The following SNX24 variants were observed in gnomAD, a reference collection of about 807,000 sequenced individuals.
The protein encoded by SNX24 is sorting nexin-24.
A neutral mutation model predicts 28.7 loss-of-function variants in SNX24; 22 were observed. The observed-to-expected ratio is 0.77, with a 90% CI of 0.55 to 1.10. The LOEUF (loss-of-function observed/expected upper bound fraction) is 1.10. Ranked by LOEUF, SNX24 falls within the 50% of genes least tolerant of loss-of-function variation. The pLI, the probability that SNX24 is intolerant of heterozygous loss-of-function variation, is 0.00. For missense variants in SNX24, 221 were observed against 201.1 expected, an observed-to-expected ratio of 1.10 and a Z score of -0.60; for synonymous variants, 69 against 71.5, an observed-to-expected ratio of 0.96 and a Z score of 0.18.
At chr5:122,878,766 G>A (rs983875646) in intron 1 of SNX24, among the ~76,000 whole-genome samples, 1 of 152,082 alleles carries the variant, frequency 6.6e-6, no homozygotes, top group South Asian at 2.1e-4. Context: ...GAGGCCAGCA[G>A]TTTGAGACCA....
chr5:122,901,547 A>G (rs530191101), intron 1 of SNX24, among the ~76,000 whole-genome samples: 3 of 152,248 alleles, frequency 2.0e-5, no homozygotes, highest in East Asian at 3.9e-4. Context: ...TGGGCATCTC[A>G]TTTATTGCCT....
intron 1 of SNX24, among the ~76,000 whole-genome samples, chr5:122,871,592 A>AC (rs1395898507): frequency 2.0e-5 from 3 of 151,758 alleles, no homozygotes; most frequent in South Asian, 2.1e-4. Context: ...ACATGGTGAA[A>AC]CCCCCGTCTC....
At chr5:122,952,036 A>G (rs1028849531) in intron 3 of SNX24, among the ~76,000 whole-genome samples, 1 of 152,258 alleles carries the variant, frequency 6.6e-6, no homozygotes, top group Non-Finnish European at 1.5e-5. Flanking sequence ...TGTTTCATGC[A>G]CAAAATTATT....
intron 1 of SNX24, among the ~76,000 whole-genome samples, chr5:122,861,266 G>A (rs769400844): frequency 6.6e-6 from 1 of 152,168 alleles, no homozygotes; most frequent in Non-Finnish European, 1.5e-5. Flanking sequence ...CTTGAACCTA[G>A]GAGGTGGAGT....
chr5:122,849,717 C>G (rs1026008292), intron 1 of SNX24, among the ~76,000 whole-genome samples: 2 of 152,062 alleles, frequency 1.3e-5, no homozygotes, highest in African/African-American at 4.8e-5. Flanking sequence ...CATTCCCTAC[C>G]CAATGGCTTA....
intron 1 of SNX24, among the ~76,000 whole-genome samples, chr5:122,904,777 A>G (rs1238077023): frequency 1.3e-5 from 2 of 152,214 alleles, no homozygotes; most frequent in Non-Finnish European, 2.9e-5. Context: ...TTTCACATTG[A>G]TAATAAATCT....
At chr5:122,943,311 G>A (rs183452527) in intron 2 of SNX24, among the ~76,000 whole-genome samples, 8 of 152,142 alleles carry the variant, frequency 5.3e-5, no homozygotes, top group Non-Finnish European at 7.4e-5. Flanking sequence ...TGCTCATCCC[G>A]TTGTACTCCT....
At chr5:122,917,506 G>A (rs926646841) in intron 1 of SNX24, among the ~76,000 whole-genome samples, 1 of 151,512 alleles carries the variant, frequency 6.6e-6, no homozygotes. Flanking sequence ...TCTGTTCCTC[G>A]CTTCTCTCCT....
At position 122,935,475 on chromosome 5, in the gene SNX24, A is replaced by C. The variant is rs562028297; in HGVS notation, c.61-1259A>C. 2.0e-5 allele frequency among the ~76,000 whole-genome samples: 3 copies of C among 152,318 alleles called. No homozygotes were observed. The East Asian group carries it at 5.8e-4, about 29-fold the overall frequency. On this transcript the variant is annotated intron_variant, in intron 1 of 6. Transcript: ENST00000261369. ...GTTCACCAAAGGAAAGTATTTATTC[A>C]GGGGTATTTCTTGAAAAACAAAATA...
chr5:122,979,056 CTT>C (rs761329890), intron 3 of SNX24, among the ~76,000 whole-genome samples: 55 of 132,088 alleles, frequency 4.2e-4, no homozygotes, highest in Non-Finnish European at 7.0e-4. Context: ...CTAAAACAGT[CTT>C]TTCTGAAAGA....
At chr5:123,001,664 C>A (rs1762251373) in intron 5 of SNX24, among the ~76,000 whole-genome samples, 1 of 152,172 alleles carries the variant, frequency 6.6e-6, no homozygotes, top group Non-Finnish European at 1.5e-5. Flanking sequence ...GTTTTATCAA[C>A]AATCGTATTA....
intron 5 of SNX24, among the ~76,000 whole-genome samples, chr5:123,021,002 C>A (rs1335182060): frequency 4.3e-5 from 6 of 139,392 alleles, no homozygotes; most frequent in Admixed American, 4.2e-4. Flanking sequence ...CCTCTTGCAC[C>A]TCCCCTGCTC....
At chr5:122,981,669 TTTTGTTTG>T (rs71623279) in intron 3 of SNX24, among the ~76,000 whole-genome samples, 6 of 151,932 alleles carry the variant, frequency 3.9e-5, no homozygotes, top group East Asian at 1.9e-4. Context: ...TTTGTTTTGT[TTTTGTTTG>T]TTTGTTTGTT....
At chr5:122,974,318 G>C (rs899174928) in intron 3 of SNX24, among the ~76,000 whole-genome samples, 1 of 152,182 alleles carries the variant, frequency 6.6e-6, no homozygotes, top group African/African-American at 2.4e-5. Context: ...ATAGGATCCA[G>C]TCAGCATAAT....
chr5:122,847,390 C>T lies in SNX24; in HGVS notation c.60+1697C>T, dbSNP rs368496494. 1.4e-4 allele frequency among the ~76,000 whole-genome samples: 22 copies of T among 151,782 alleles called. 1 individual carries two copies. Among genetic ancestry groups the T allele is most frequent in the African/African-American group, 5.1e-4 (21 of 41,332 alleles). The stretch of plus-strand genomic sequence containing the variant: ...GAAGGAGCTCTTTTTTGGACAAATT[C>T]GGGAGAGTTTGAAGATTGCTTATGT... On this transcript the variant is annotated intron_variant, in intron 1 of 6. Transcript: ENST00000261369.
intron 4 of SNX24, 51 bp downstream of exon 4, chr5:123,000,057 G>T: frequency 1.7e-6 from 2 of 1,194,264 alleles, no homozygotes; most frequent in South Asian, 2.4e-5. Context: ...ACTCTTCAAT[G>T]ACCAATTGAT....
At chr5:122,922,216 A>G (rs1361895382) in intron 1 of SNX24, among the ~76,000 whole-genome samples, 1 of 152,184 alleles carries the variant, frequency 6.6e-6, no homozygotes, top group Admixed American at 6.6e-5. Flanking sequence ...CTTAGTATTT[A>G]AAGTATCAGG....
chr5:122,981,991 T>C (rs1245417597), intron 3 of SNX24, among the ~76,000 whole-genome samples: 1 of 152,218 alleles, frequency 6.6e-6, no homozygotes, highest in Non-Finnish European at 1.5e-5. Flanking sequence ...GAGAAAAAGA[T>C]AGAAGGCAGG....
chr5:122,971,485 AC>A (rs1760956591), intron 3 of SNX24, among the ~76,000 whole-genome samples: 1 of 152,138 alleles, frequency 6.6e-6, no homozygotes, highest in African/African-American at 2.4e-5. Flanking sequence ...GAACCCATAC[AC>A]ATCTCCTGAA....
Sources: allele counts gnomAD v4.1 joint callset (sites outside exome capture counted in the v4.1 genomes callset), GRCh38; gene constraint gnomAD v4.1.1; transcripts MANE v1.5; gene names NCBI Gene and HGNC (gene_info 2026-07-23, HGNC 2026-07-21).